CFAP299: variants seen among roughly 807,000 people sequenced by gnomAD.
The protein encoded by CFAP299 is cilia and flagella associated protein 299.
CFAP299 carries 21 observed loss-of-function variants against 27.0 expected under a neutral mutation model. The observed-to-expected ratio is 0.78, with a 90% CI of 0.55 to 1.12. CFAP299 has a LOEUF of 1.12. CFAP299 is among the 50% of genes most tolerant of loss of function. The pLI is 0.00. For missense variants in CFAP299, 310 were observed against 276.6 expected (o/e 1.12, Z -0.86); for synonymous variants, 104 against 98.1 (o/e 1.06, Z -0.36).
intron 3 of CFAP299, among the ~76,000 whole-genome samples, chr4:80,799,571 AT>A (rs1560416717): frequency 1.3e-5 from 1 of 75,048 alleles, no homozygotes; most frequent in African/African-American, 5.7e-5. Context: ...ATAAATATAT[AT>A]ATTTATAAAA....
intron 4 of CFAP299, among the ~76,000 whole-genome samples, chr4:80,926,358 G>T (rs1010966004): frequency 4.6e-5 from 7 of 152,008 alleles, no homozygotes; most frequent in Non-Finnish European, 7.4e-5. Context: ...TATGTGATAT[G>T]TTTTGAGATA....
At chr4:80,329,948 T>C in the CFAP299 span, among the ~76,000 whole-genome samples, 1 of 152,220 alleles carries the variant, frequency 6.6e-6, no homozygotes, top group South Asian at 2.1e-4. Context: ...TATTTTCTTC[T>C]AAGGTTTTAT....
At chr4:80,489,332 T>G (rs898524907) in intron 2 of CFAP299, among the ~76,000 whole-genome samples, 2 of 152,182 alleles carry the variant, frequency 1.3e-5, no homozygotes, top group African/African-American at 4.8e-5. Context: ...AGCCCTAAAG[T>G]TGGCAATTTT....
intron 3 of CFAP299, among the ~76,000 whole-genome samples, chr4:80,666,782 T>C (rs1358629109): frequency 6.6e-6 from 1 of 152,226 alleles, no homozygotes; most frequent in African/African-American, 2.4e-5. Context: ...AAAAAAGCAG[T>C]AGTCACACTC....
chr4:80,915,362 C>CT, intron 4 of CFAP299, among the ~76,000 whole-genome samples: 1 of 151,754 alleles, frequency 6.6e-6, no homozygotes, highest in African/African-American at 2.4e-5. Flanking sequence ...AATTCTTACC[C>CT]TTTTTTCTCT....
chr4:80,848,935 A>C (rs1560443266), intron 3 of CFAP299, among the ~76,000 whole-genome samples: 1 of 152,232 alleles, frequency 6.6e-6, no homozygotes. Context: ...ATTACTGTAC[A>C]CTATGGTAGA....
intron 2 of CFAP299, among the ~76,000 whole-genome samples, chr4:80,517,585 A>G (rs1732648015): frequency 6.6e-6 from 1 of 152,184 alleles, no homozygotes; most frequent in Admixed American, 6.5e-5. Flanking sequence ...GTAGCCAGAG[A>G]TTTGAGATAA....
intron 2 of CFAP299, chr4:80,387,222 G>T: frequency 2.1e-6 from 3 of 1,452,456 alleles, no homozygotes; most frequent in Non-Finnish European, 2.9e-6. Flanking sequence ...TCGTACATCG[G>T]GGGTAAGTCC....
chr4:80,626,191 G>A (rs1738892726), intron 3 of CFAP299, among the ~76,000 whole-genome samples: 2 of 151,982 alleles, frequency 1.3e-5, no homozygotes, highest in East Asian at 3.9e-4. Context: ...ATATCAAGTA[G>A]CTATTCTGAC....
intron 3 of CFAP299, among the ~76,000 whole-genome samples, chr4:80,678,424 A>G (rs769957246): frequency 6.6e-6 from 1 of 152,078 alleles, no homozygotes; most frequent in Admixed American, 6.5e-5. Context: ...ACATTTATTG[A>G]ATGCTTATTA....
intron 2 of CFAP299, among the ~76,000 whole-genome samples, chr4:80,536,225 C>T (rs1251146556): frequency 1.3e-5 from 2 of 152,068 alleles, no homozygotes; most frequent in African/African-American, 4.8e-5. Flanking sequence ...TAAAAATCCC[C>T]TACCATTGAA....
At chr4:80,836,700 T>C (rs1730579503) in intron 3 of CFAP299, among the ~76,000 whole-genome samples, 1 of 152,130 alleles carries the variant, frequency 6.6e-6, no homozygotes, top group African/African-American at 2.4e-5. Context: ...TCAAGGAAAG[T>C]GACATATTTA....
At chr4:80,450,763 C>T (rs1455117693) in intron 2 of CFAP299, among the ~76,000 whole-genome samples, 1 of 151,790 alleles carries the variant, frequency 6.6e-6, no homozygotes, top group Non-Finnish European at 1.5e-5. Context: ...ATAATAAAAT[C>T]CTAGTTGTTA....
rs142293531 is a variant in CFAP299, at chr4:80,763,420, G to C, written c.334-106573G>C. ...AAGGGACGTGAAGGACCTCTTCAAG[G>C]ACAACTACAAACCACCTCCCAAGGA... On this transcript the variant is annotated intron_variant, in intron 3 of 5. Transcript: ENST00000358105. 6.2e-3 allele frequency among the ~76,000 whole-genome samples: 949 copies of C among 152,048 alleles called. 6 individuals carry two copies. The highest frequency in any genetic ancestry group is 0.022 in the African/African-American group (895 of 41,466).
chr4:80,861,295 T>A (rs944624655), intron 3 of CFAP299, among the ~76,000 whole-genome samples: 1 of 152,146 alleles, frequency 6.6e-6, no homozygotes, highest in Non-Finnish European at 1.5e-5. Flanking sequence ...GTGACCCGAT[T>A]TTCCAGGTGC....
intron 3 of CFAP299, among the ~76,000 whole-genome samples, chr4:80,600,272 T>A (rs542253321): frequency 6.6e-6 from 1 of 152,136 alleles, no homozygotes; most frequent in Admixed American, 6.6e-5. Context: ...CTGATATAAC[T>A]AGTCCAAAGA....
chr4:80,658,921 C>A (rs1486005134), intron 3 of CFAP299, among the ~76,000 whole-genome samples: 2 of 152,040 alleles, frequency 1.3e-5, no homozygotes, highest in African/African-American at 2.4e-5. Flanking sequence ...TAGCAGCTGT[C>A]TATTGACATT....
intron 2 of CFAP299, among the ~76,000 whole-genome samples, chr4:80,472,248 T>G (rs1237637364): frequency 6.6e-6 from 1 of 152,004 alleles, no homozygotes; most frequent in African/African-American, 2.4e-5. Context: ...AGTTATTTAG[T>G]AAAGTAGATA....
chr4:80,497,696 T>A (rs1028764130), intron 2 of CFAP299, among the ~76,000 whole-genome samples: 1 of 152,132 alleles, frequency 6.6e-6, no homozygotes, highest in Non-Finnish European at 1.5e-5. Flanking sequence ...TTGAAACTTA[T>A]TTTTTAGCCT....
Sources: gnomAD v4.1 joint callset for allele counts (sites outside exome capture counted in the v4.1 genomes callset) on GRCh38, gnomAD v4.1.1 for gene constraint, MANE v1.5 for transcripts, NCBI Gene and HGNC (gene_info 2026-07-23, HGNC 2026-07-21) for gene names.